Variants in MDC1 observed in about 807,000 individuals in gnomAD.
MDC1 encodes the protein mediator of DNA damage checkpoint 1.
In MDC1, 81 loss-of-function variants were observed where a neutral mutation model predicts 142.5. That is an observed-to-expected ratio of 0.57 (90% confidence interval 0.47 to 0.68). The LOEUF (loss-of-function observed/expected upper bound fraction) is 0.68. MDC1 is among the 30% of genes least tolerant of loss of function. The pLI, the probability that MDC1 is intolerant of heterozygous loss-of-function variation, is 0.00. For missense variants in MDC1, 2,119 were observed against 2,547.9 expected, an observed-to-expected ratio of 0.83 and a Z score of 3.62; for synonymous variants, 797 against 968.4, an observed-to-expected ratio of 0.82 and a Z score of 3.29.
chr6:30,705,153 G>C lies in MDC1; in HGVS notation c.4030C>G (p.Pro1344Ala), dbSNP rs1473485360. The change falls in exon 10 of 15, where the codon CCT (proline) becomes GCT (alanine). Residue 1344 changes from proline (P) to alanine (A), a missense_variant. By Grantham distance (27) the Pro-to-Ala change is conservative. Coordinates refer to ENST00000376406, the MANE Select transcript of MDC1 (RefSeq NM_014641.3). ...CTAGTGGTCCGAGATGTGGGCTTAGGGGTGACAGGTTGGTCTGTGGAGGTG... is the reference window on the plus strand; with the variant it reads ...CTAGTGGTCCGAGATGTGGGCTTAGCGGTGACAGGTTGGTCTGTGGAGGTG... Reference protein sequence around the residue: ...ISTSTDQPVTPKPTSRTTRSR... With the variant: ...ISTSTDQPVTAKPTSRTTRSR... 1.9e-6 allele frequency: 3 copies of C among 1,605,770 alleles called. No homozygotes were observed. The highest frequency in any genetic ancestry group is 2.5e-6 in the Non-Finnish European group (3 of 1,176,514).
Position 30,704,192 on chromosome 6 carries a change from G to A in MDC1, c.4991C>T (p.Thr1664Ile). The A allele has an allele frequency of 6.2e-7, 1 of 1,613,720 alleles. No homozygotes were observed. The highest frequency in any genetic ancestry group is 8.5e-7 in the Non-Finnish European group (1 of 1,179,806). ...AGGGGTGACGGACTGGTCTGTGGGG[G>A]TAAAAGGCTCAAGATCAGAGGCTGC... ...EPAASDLEPFTPTDQSVTPEA... is the reference protein window; with the variant it reads ...EPAASDLEPFIPTDQSVTPEA... The change falls in exon 10 of 15, where the codon ACC becomes ATC. Residue 1664 changes from threonine (T) to isoleucine (I), a missense_variant. Coordinates refer to ENST00000376406, the MANE Select transcript of MDC1 (RefSeq NM_014641.3).
At chr6:30,708,980 A>AAAAGAAAGAAAG (rs140751169) in intron 7 of MDC1, among the ~76,000 whole-genome samples, 4 of 151,682 alleles carry the variant, frequency 2.6e-5, no homozygotes, top group Middle Eastern at 3.2e-3. Context: ...CTGTCTCAAA[A>AAAAGAAAGAAAG]AAAGAAAGAA....
In MDC1 at chr6:30,704,217, C is replaced by T; in HGVS notation, c.4966G>A (p.Ala1656Thr). The T allele has an allele frequency of 1.2e-6, 2 of 1,613,338 alleles. No individual in the cohort carries two copies. Among genetic ancestry groups the T allele is most frequent in the Non-Finnish European group, 1.7e-6 (2 of 1,179,716 alleles). The change falls in exon 10 of 15, where the codon GCA becomes ACA. Residue 1656 changes from alanine to threonine, a missense_variant. Transcript: ENST00000376406. The part of the protein sequence containing the change: ...SVKTPKPVEP[A>T]ASDLEPFTPT... ...GTAAAAGGCTCAAGATCAGAGGCTGCTGGTTCAACTGGTTTGGGAGTCTTG... is the reference window on the plus strand; with the variant it reads ...GTAAAAGGCTCAAGATCAGAGGCTGTTGGTTCAACTGGTTTGGGAGTCTTG...
In MDC1 at chr6:30,707,792, A is replaced by C; in HGVS notation, c.2787T>G (p.Asp929Glu). 6.2e-7 allele frequency: 1 copy of C among 1,612,930 alleles called. No individual in the cohort carries two copies. Among genetic ancestry groups the C allele is most frequent in the Non-Finnish European group, 8.5e-7 (1 of 1,180,018 alleles). Reference sequence around the variant, plus strand: ...GCACCTTCTCTTCTAACTCGGCTGGATCGCACTCTCTGTTTGCTACTGGTC... The same window carrying C: ...GCACCTTCTCTTCTAACTCGGCTGGCTCGCACTCTCTGTTTGCTACTGGTC... ...VERPVANREC[D>E]PAELEEKVPK... The change falls in exon 8 of 15, where the codon GAT becomes GAG. Residue 929 changes from aspartate to glutamate, a missense_variant. Coordinates refer to ENST00000376406, the MANE Select transcript of MDC1 (RefSeq NM_014641.3).
At position 30,713,915 on chromosome 6, in the gene MDC1, G is replaced by C; in HGVS notation, c.405C>G (p.Val135=). The C allele has an allele frequency of 6.2e-7, 1 of 1,613,566 alleles. No individual in the cohort carries two copies. Among genetic ancestry groups the C allele is most frequent in the Non-Finnish European group, 8.5e-7 (1 of 1,180,034 alleles). ...DLLCQYHRLD[V]SLPFVSRGPL... ...GGCCCCGGGAGACAAAGGGCAGAGA[G>C]ACATCCAGGCGATGGTACTGGCAGA... Residue 135 remains valine (V), a synonymous_variant, in exon 3 of 15, where the codon GTC becomes GTG. Transcript: ENST00000376406. The surrounding 1 kb of genome is among the most constrained non-coding windows in gnomAD (Gnocchi z 4.9).
intron 9 of MDC1, 98 bp from the exon 10 acceptor site, chr6:30,706,196 C>G: frequency 1.8e-6 from 2 of 1,109,298 alleles, no homozygotes; most frequent in South Asian, 3.3e-5. Context: ...GATAGGCTTA[C>G]CAGATTTCCA....
In MDC1 at chr6:30,704,175, C is replaced by G; in HGVS notation, c.5008G>C (p.Val1670Leu). ...CCCTGAGCTATGGCCTCAGGGGTGA[C>G]GGACTGGTCTGTGGGGGTAAAAGGC... is the stretch of plus-strand genomic sequence containing the variant. ...LEPFTPTDQS[V>L]TPEAIAQGGQ... The change falls in exon 10 of 15, where the codon GTC becomes CTC. Residue 1670 changes from valine (V) to leucine (L), a missense_variant. Transcript: ENST00000376406. The G allele has an allele frequency of 6.2e-7, 1 of 1,613,420 alleles. No individual in the cohort carries two copies. Among genetic ancestry groups the G allele is most frequent in the Admixed American group, 1.7e-5 (1 of 59,960 alleles).
Position 30,704,576 on chromosome 6 carries a change from T to G in MDC1, c.4607A>C (p.Glu1536Ala), listed in dbSNP as rs9262151. ...GTCTGTGGAGGTGGAAGGCTGGAGC[T>G]CAGGGGCTGCGGGCACAACTGTTTC... Reference protein sequence around the residue: ...TPETVVPAAPELQPSTSTDQP... With the variant: ...TPETVVPAAPALQPSTSTDQP... Residue 1536 changes from glutamate (E) to alanine (A), a missense_variant, in exon 10 of 15, where the codon GAG (glutamate) becomes GCG (alanine). Glu to Ala is a moderately radical substitution (Grantham distance 107). Coordinates refer to ENST00000376406, the MANE Select transcript of MDC1 (RefSeq NM_014641.3). The G allele has an allele frequency of 0.014, 21,797 of 1,607,928 alleles. 173 individuals are homozygous for G. Among genetic ancestry groups the G allele is most frequent in the African/African-American group, 0.021 (1,566 of 74,080 alleles).
Position 30,712,483 on chromosome 6 carries a change from T to C in MDC1, c.1459A>G (p.Lys487Glu). The stretch of plus-strand genomic sequence containing the variant: ...CTGTCCCCAAAAGGAGGTTGGTCCT[T>C]TTCTGAATGTGCTCTAACAAGGGCT... ...IRALVRAHSE[K>E]DQPPFGDSDD... Residue 487 changes from lysine (K) to glutamate (E), a missense_variant, in exon 5 of 15, where the codon AAG (lysine) becomes GAG (glutamate). Coordinates refer to ENST00000376406, the MANE Select transcript of MDC1 (RefSeq NM_014641.3). The surrounding 1 kb of genome is among the most constrained non-coding windows in gnomAD (Gnocchi z 4.7). The C allele has an allele frequency of 1.2e-6, 2 of 1,613,070 alleles. No individual in the cohort carries two copies. The highest frequency in any genetic ancestry group is 2.7e-5 in the African/African-American group (2 of 75,042).
chr6:30,706,196 C>T (rs1463969313), intron 9 of MDC1, 98 bp from the exon 10 acceptor site: 3 of 1,109,180 alleles, frequency 2.7e-6, no homozygotes, highest in South Asian at 1.7e-5. Context: ...GATAGGCTTA[C>T]CAGATTTCCA....
intron 14 of MDC1, among the ~76,000 whole-genome samples, chr6:30,702,256 CAAAAAA>C (rs57764077): frequency 1.7e-5 from 1 of 59,142 alleles, no homozygotes; most frequent in African/African-American, 8.4e-5. Context: ...GACTCCATCT[CAAAAAA>C]AAAAAAAAAA....
Position 30,703,060 on chromosome 6 carries a change from G to A in MDC1, c.5865+44C>T. 1 of 1,595,590 alleles carries A rather than the reference G, an allele frequency of 6.3e-7. No homozygotes were observed. Among genetic ancestry groups the A allele is most frequent in the Non-Finnish European group, 8.6e-7 (1 of 1,168,644 alleles). On this transcript the variant is annotated intron_variant, in intron 12 of 14. Transcript: ENST00000376406. The surrounding 1 kb of genome is among the most constrained non-coding windows in gnomAD (Gnocchi z 4.4). The stretch of plus-strand genomic sequence containing the variant: ...CACTTTCTAGGGCACTATATGAGCA[G>A]TCTTGCCACTATATCGGTCTGTCAT...
rs202144355 is a variant in MDC1 at position 30,705,570 on chromosome 6, T to C, written c.3613A>G (p.Thr1205Ala). The C allele has an allele frequency of 4.7e-4, 758 of 1,607,042 alleles. 1 individual carries two copies. The highest frequency in any genetic ancestry group is 7.7e-4 in the Admixed American group (46 of 59,718). ...GTGGAAGGCTGGAGCTCAAGGGCTG[T>C]GGGCACAACTGTTTCAGGGGTCTTG... Reference protein sequence around the residue: ...SVKTPETVVPTALELQPSTST... With the variant: ...SVKTPETVVPAALELQPSTST... Residue 1205 changes from threonine to alanine, a missense_variant, in exon 10 of 15, where the codon ACA becomes GCA. Physicochemically the swap from Thr to Ala is moderately conservative, Grantham distance 58 (BLOSUM62 0). Transcript: ENST00000376406.
At chr6:30,706,223 A>C in intron 9 of MDC1, 125 bp from the exon 10 acceptor site, 79 of 835,638 alleles carry the variant, frequency 9.5e-5, no homozygotes, top group Non-Finnish European at 1.2e-4. Context: ...GTGGTGGCTC[A>C]CGGCTATAAT....
At chr6:30,701,262 G>A (rs573758674) in intron 14 of MDC1, among the ~76,000 whole-genome samples, 5 of 151,958 alleles carry the variant, frequency 3.3e-5, no homozygotes, top group South Asian at 2.1e-4. Context: ...TTAGCTGGGC[G>A]TGGTGGTGTG....
Position 30,708,335 on chromosome 6 carries a change from C to T in MDC1, c.2244G>A (p.Glu748=). Residue 748 remains glutamate (E), a synonymous_variant, in exon 8 of 15, where the codon GAG becomes GAA. Coordinates refer to ENST00000376406, the MANE Select transcript of MDC1 (RefSeq NM_014641.3). ...GACAGAATGGCTGTGTAGCCAGGAC[C>T]TCCCATGGTTCATCTAGGGTACCTG... The part of the protein sequence containing the change: ...QTTGTLDEPW[E]VLATQPFCLR... 3 of 1,611,330 alleles carry T rather than the reference C, an allele frequency of 1.9e-6. No homozygotes were observed. The highest frequency in any genetic ancestry group is 2.2e-5 in the South Asian group (2 of 91,066).
Position 30,711,490 on chromosome 6 carries a change from C to A in MDC1, c.2143G>T (p.Glu715Ter). Residue 715 changes from glutamate (E) to a stop codon, truncating the protein, a stop_gained, in exon 7 of 15, where the codon GAG becomes TAG. Transcript: ENST00000376406. LOFTEE classifies it high-confidence loss of function. ...ATGAAGGCCTGGGTAGGTTCATCCT[C>A]CATGCTCTGGACTGCTGTACAGGAA... ...NQGLEAVQSM[E>*]DEPTQAFMLT... The A allele has an allele frequency of 6.2e-7, 1 of 1,613,082 alleles. No individual in the cohort carries two copies. Among genetic ancestry groups the A allele is most frequent in the Non-Finnish European group, 8.5e-7 (1 of 1,180,002 alleles).
At position 30,706,000 on chromosome 6, in the gene MDC1, A is replaced by G; in HGVS notation, c.3183T>C (p.Leu1061=). The part of the protein sequence containing the change: ...KPLNSQSQKH[L]APPPLLSPLL... ...GGGGAGAAAGAAGGGGCGGAGGTGC[A>G]AGATGTTTCTGGCTCTGAGAGTTAA... Residue 1061 remains leucine (L), a synonymous_variant, in exon 10 of 15, where the codon CTT becomes CTC. Coordinates refer to ENST00000376406, the MANE Select transcript of MDC1 (RefSeq NM_014641.3). The G allele has an allele frequency of 6.2e-7, 1 of 1,611,720 alleles. No homozygotes were observed. The highest frequency in any genetic ancestry group is 8.5e-7 in the Non-Finnish European group (1 of 1,179,910).
Position 30,713,464 on chromosome 6 carries a change from T to A in MDC1, c.588-110A>T. 1 of 1,348,858 alleles carries A rather than the reference T, an allele frequency of 7.4e-7. No individual in the cohort carries two copies. 83.6% of individuals were successfully genotyped at this position (1,348,858 alleles called of 1,614,324 possible). A position where few individuals can be genotyped will look rare whatever the true frequency, so the allele number is the denominator to read the frequency against. ...ACACAAGGTAGCATATTTCTTCTTCTGTTTCCAATTTGTTTTCCACTTGGC... is the reference window on the plus strand; with the variant it reads ...ACACAAGGTAGCATATTTCTTCTTCAGTTTCCAATTTGTTTTCCACTTGGC... On this transcript the variant is annotated intron_variant, in intron 4 of 14. Coordinates refer to ENST00000376406, the MANE Select transcript of MDC1 (RefSeq NM_014641.3). The surrounding 1 kb of genome is among the most constrained non-coding windows in gnomAD (Gnocchi z 4.9).
Sources: allele counts gnomAD v4.1 joint callset (sites outside exome capture counted in the v4.1 genomes callset), GRCh38; gene constraint gnomAD v4.1.1; non-coding constraint Gnocchi (gnomAD v3.1); transcripts MANE v1.5; gene names NCBI Gene and HGNC (gene_info 2026-07-23, HGNC 2026-07-21).